GPM6A: variants seen among roughly 807,000 people sequenced by gnomAD.
GPM6A encodes the protein glycoprotein M6A.
GPM6A carries 7 observed loss-of-function variants against 32.1 expected under a neutral mutation model. The observed-to-expected ratio is 0.22, with a 90% CI of 0.12 to 0.41. The LOEUF is 0.41. Ranked by LOEUF, GPM6A falls within the 10% of genes least tolerant of loss-of-function variation. GPM6A has a pLI of 1.00. For synonymous variants in GPM6A, 130 were observed against 123.4 expected, an observed-to-expected ratio of 1.05 and a Z score of -0.35; for missense variants, 235 against 347.2, an observed-to-expected ratio of 0.68 and a Z score of 2.57.
At chr4:175,987,356 C>G (rs1259057779) in intron 1 of GPM6A, among the ~76,000 whole-genome samples, 6 of 152,058 alleles carry the variant, frequency 3.9e-5, no homozygotes, top group Admixed American at 3.9e-4. Flanking sequence ...TCAGCTTATT[C>G]CTAAGAAAAC....
chr4:175,860,524 A>G (rs1736542944), intron 1 of GPM6A, among the ~76,000 whole-genome samples: 1 of 152,206 alleles, frequency 6.6e-6, no homozygotes, highest in South Asian at 2.1e-4. Context: ...GAATAGCACT[A>G]TATTTGTTAG....
intron 1 of GPM6A, among the ~76,000 whole-genome samples, chr4:175,928,658 T>C (rs1483197584): frequency 2.6e-5 from 4 of 152,254 alleles, no homozygotes; most frequent in Non-Finnish European, 5.9e-5. Context: ...TGGTGGGCAG[T>C]GCAGAGAACT....
rs558124816 is a variant in GPM6A at position 175,918,053 on chromosome 4, CTAACA to C, written c.-23+84251_-23+84255del. Among the ~76,000 whole-genome samples, 381 of 151,696 alleles carry C rather than the reference CTAACA, an allele frequency of 2.5e-3. 2 individuals are homozygous for C. Among genetic ancestry groups the C allele is most frequent in the Middle Eastern group, 0.01 (3 of 292 alleles). ...AGAGTAAATTACCATAATTCTTTTCCTAACATATTATATAAATCTTGATTCCCACA... is the reference window on the plus strand; with the variant it reads ...AGAGTAAATTACCATAATTCTTTTCCTATTATATAAATCTTGATTCCCACA... On this transcript the variant is annotated intron_variant, in intron 1 of 7. Transcript: ENST00000280187.
At chr4:175,781,190 C>T (rs1733601442) in intron 1 of GPM6A, 1 of 151,960 alleles carries the variant, frequency 6.6e-6, no homozygotes, top group South Asian at 2.1e-4. Context: ...TTTAATAACA[C>T]GACTCAAACA....
intron 1 of GPM6A, among the ~76,000 whole-genome samples, chr4:175,943,875 G>A (rs541036297): frequency 3.9e-5 from 6 of 152,200 alleles, no homozygotes; most frequent in Non-Finnish European, 5.9e-5. Flanking sequence ...GTTTTGGTAC[G>A]AGGATGATGC....
intron 1 of GPM6A, among the ~76,000 whole-genome samples, chr4:175,754,054 A>G (rs1188918930): frequency 6.6e-6 from 1 of 152,152 alleles, no homozygotes; most frequent in Non-Finnish European, 1.5e-5. Flanking sequence ...CTTGTTCCTA[A>G]TTCACCTATT....
intron 1 of GPM6A, among the ~76,000 whole-genome samples, chr4:175,832,828 C>T (rs1735655946): frequency 6.6e-6 from 1 of 152,156 alleles, no homozygotes; most frequent in Non-Finnish European, 1.5e-5. Flanking sequence ...TGGGGAGTTT[C>T]ATGGTGCACA....
At chr4:175,754,966 C>G (rs1189472669) in intron 1 of GPM6A, among the ~76,000 whole-genome samples, 3 of 151,928 alleles carry the variant, frequency 2.0e-5, no homozygotes, top group Non-Finnish European at 4.4e-5. Context: ...TCTACTCCCC[C>G]CACAACACAC....
chr4:175,855,307 A>T (rs1304222986), intron 1 of GPM6A, among the ~76,000 whole-genome samples: 1 of 152,222 alleles, frequency 6.6e-6, no homozygotes, highest in East Asian at 1.9e-4. Flanking sequence ...TATAGTCCAA[A>T]TGTTCAAAAG....
intron 1 of GPM6A, among the ~76,000 whole-genome samples, chr4:175,826,248 C>A (rs1735433606): frequency 6.6e-6 from 1 of 151,956 alleles, no homozygotes; most frequent in Admixed American, 6.6e-5. Flanking sequence ...GCTTGAAAGA[C>A]CTTAACATAT....
At chr4:176,000,277 GAACA>G (rs1442958005) in intron 1 of GPM6A, among the ~76,000 whole-genome samples, 1 of 152,130 alleles carries the variant, frequency 6.6e-6, no homozygotes, top group Non-Finnish European at 1.5e-5. Context: ...GCAGTAGAAG[GAACA>G]AACAAATTTT....
At chr4:175,963,562 G>A (rs1213141839) in intron 1 of GPM6A, among the ~76,000 whole-genome samples, 1 of 152,002 alleles carries the variant, frequency 6.6e-6, no homozygotes, top group Non-Finnish European at 1.5e-5. Context: ...TTTTTCAAAA[G>A]TGAAGTCTTT....
intron 1 of GPM6A, among the ~76,000 whole-genome samples, chr4:175,740,991 T>G (rs75271724): frequency 0.011 from 1,624 of 152,174 alleles, 13 homozygotes; most frequent in Middle Eastern, 0.017. Flanking sequence ...TCTGTAATCA[T>G]ACCCATTATC....
intron 1 of GPM6A, among the ~76,000 whole-genome samples, chr4:175,931,977 A>G (rs1191709495): frequency 1.3e-5 from 2 of 151,880 alleles, no homozygotes; most frequent in Non-Finnish European, 2.9e-5. Context: ...CTGTAGTCCT[A>G]GCTACTTTGG....
At position 175,766,402 on chromosome 4, in the gene GPM6A, A is replaced by G. The variant is rs183900554; in HGVS notation, c.37+45789T>C. ...AGTAAAATAAGCCTTTATCTGGAGG[A>G]AAAAACCTGAAGAAATGTCAATCCA... On this transcript the variant is annotated intron_variant, in intron 1 of 6. Transcript: ENST00000393658. Among the ~76,000 whole-genome samples the G allele has an allele frequency of 9.4e-3, 1,430 of 152,296 alleles. 11 individuals carry two copies. The highest frequency in any genetic ancestry group is 0.013 in the Non-Finnish European group (911 of 68,026).
At chr4:175,935,467 C>G (rs1043124561) in intron 1 of GPM6A, among the ~76,000 whole-genome samples, 3 of 152,166 alleles carry the variant, frequency 2.0e-5, no homozygotes, top group African/African-American at 7.2e-5. Flanking sequence ...ATATTCTGTG[C>G]TTTCTCTACT....
At chr4:175,662,940 A>G (rs1742512998) in intron 3 of GPM6A, among the ~76,000 whole-genome samples, 1 of 152,198 alleles carries the variant, frequency 6.6e-6, no homozygotes, top group African/African-American at 2.4e-5. Context: ...TGAAATAACT[A>G]TATATAAAAT....
intron 2 of GPM6A, among the ~76,000 whole-genome samples, chr4:175,693,596 A>C (rs1305287531): frequency 6.6e-6 from 1 of 152,098 alleles, no homozygotes; most frequent in East Asian, 1.9e-4. Context: ...ATTTTTGGAA[A>C]GTTCTTTATA....
intron 1 of GPM6A, chr4:175,906,851 A>C (rs1738148940): frequency 6.6e-6 from 1 of 152,168 alleles, no homozygotes; most frequent in African/African-American, 2.4e-5. Context: ...ATTATCAGCC[A>C]CTGAAATAGA....
Sources: allele counts gnomAD v4.1 joint callset (sites outside exome capture counted in the v4.1 genomes callset), GRCh38; gene constraint gnomAD v4.1.1; transcripts MANE v1.5; gene names NCBI Gene and HGNC (gene_info 2026-07-23, HGNC 2026-07-21).